The following GRID2 variants were observed in gnomAD, a reference collection of about 807,000 sequenced individuals.
The protein encoded by GRID2 is glutamate receptor ionotropic, delta-2.
A neutral mutation model predicts 114.8 loss-of-function variants in GRID2; 33 were observed. The observed-to-expected ratio is 0.29, with a 90% CI of 0.22 to 0.38. The LOEUF (loss-of-function observed/expected upper bound fraction) is 0.38, where lower values mean the gene tolerates loss of function less well. Among genes scored for constraint, GRID2 ranks in the 10% least tolerant of loss-of-function variants. The probability of loss-of-function intolerance (pLI) is 1.00; values close to 1 mark genes in which losing one functional copy is unlikely to be tolerated. For missense variants in GRID2, 1,184 were observed against 1,257.7 expected, an observed-to-expected ratio of 0.94 and a Z score of 0.89; for synonymous variants, 505 against 449.9, an observed-to-expected ratio of 1.12 and a Z score of -1.55.
chr4:92,313,081 A>ATGTGTGTGTGTGTG (rs144557382), intron 1 of GRID2, among the ~76,000 whole-genome samples: 2 of 145,114 alleles, frequency 1.4e-5, no homozygotes, highest in African/African-American at 5.1e-5. Context: ...AAACTCTGAT[A>ATGTGTGTGTGTGTG]TGTGTGTGTG....
chr4:93,670,413 T>G (rs1724311381), intron 14 of GRID2, among the ~76,000 whole-genome samples: 1 of 152,134 alleles, frequency 6.6e-6, no homozygotes, highest in African/African-American at 2.4e-5. Context: ...ATAAAGAGAA[T>G]AGCAACCATG....
chr4:92,696,503 A>G (rs1254007329), intron 2 of GRID2, among the ~76,000 whole-genome samples: 8 of 152,122 alleles, frequency 5.3e-5, no homozygotes, highest in African/African-American at 1.2e-4. Flanking sequence ...CTGTAATTAC[A>G]TATAATTGAC....
chr4:92,633,849 T>TGCG (rs1730928498), intron 2 of GRID2, among the ~76,000 whole-genome samples: 1 of 151,628 alleles, frequency 6.6e-6, no homozygotes, highest in Non-Finnish European at 1.5e-5. Context: ...CCAAGTCAAC[T>TGCG]GCATTCTACT....
At chr4:93,616,682 T>C (rs900731315) in intron 13 of GRID2, among the ~76,000 whole-genome samples, 2 of 150,890 alleles carry the variant, frequency 1.3e-5, no homozygotes, top group East Asian at 1.9e-4. Flanking sequence ...GCAATGTCTA[T>C]AGAATATGCA....
At chr4:92,687,726 G>A (rs1376257047) in intron 2 of GRID2, among the ~76,000 whole-genome samples, 1 of 152,034 alleles carries the variant, frequency 6.6e-6, no homozygotes, top group East Asian at 2.0e-4. Flanking sequence ...CTACTCAGGA[G>A]GCTGAGGCAG....
rs140260444 is a variant in GRID2 at position 93,205,556 on chromosome 4, G to A, written c.736-1848G>A. The stretch of plus-strand genomic sequence containing the variant: ...CCACATTTGCTTAATCCAGTCTATC[G>A]TTGTTAGACATTTAGGTTGGTTCCA... On this transcript the variant is annotated intron_variant, in intron 4 of 15. Transcript: ENST00000282020. 4.1e-3 allele frequency among the ~76,000 whole-genome samples: 623 copies of A among 152,182 alleles called. 3 individuals are homozygous for A. Among genetic ancestry groups the A allele is most frequent in the African/African-American group, 0.015 (606 of 41,536 alleles).
At chr4:93,012,802 A>C in intron 2 of GRID2, among the ~76,000 whole-genome samples, 1 of 152,102 alleles carries the variant, frequency 6.6e-6, no homozygotes, top group East Asian at 1.9e-4. Context: ...ATGGAGAAAT[A>C]AAAACTTACT....
At chr4:93,424,984 AT>A (rs539303099) in intron 10 of GRID2, among the ~76,000 whole-genome samples, 4 of 151,824 alleles carry the variant, frequency 2.6e-5, no homozygotes, top group African/African-American at 9.7e-5. Flanking sequence ...TAGATTGCTT[AT>A]TTTTTCTTTC....
chr4:92,774,136 G>C (rs1354672874), intron 2 of GRID2, among the ~76,000 whole-genome samples: 2 of 152,064 alleles, frequency 1.3e-5, no homozygotes, highest in Admixed American at 6.6e-5. Flanking sequence ...GCCCAGCCAA[G>C]GCAGAAGGTG....
At chr4:93,510,012 A>G (rs1235553075) in intron 12 of GRID2, among the ~76,000 whole-genome samples, 1 of 152,132 alleles carries the variant, frequency 6.6e-6, no homozygotes, top group Non-Finnish European at 1.5e-5. Flanking sequence ...CAAAGGAGAA[A>G]ACTGAGAAGA....
chr4:92,632,200 G>GT (rs1730841597), intron 2 of GRID2, among the ~76,000 whole-genome samples: 1 of 152,158 alleles, frequency 6.6e-6, no homozygotes, highest in African/African-American at 2.4e-5. Flanking sequence ...ACAATTAGCT[G>GT]TTTTTTGGAA....
At chr4:92,806,678 T>C (rs1206786780) in intron 2 of GRID2, among the ~76,000 whole-genome samples, 3 of 151,938 alleles carry the variant, frequency 2.0e-5, no homozygotes, top group Non-Finnish European at 2.9e-5. Flanking sequence ...TTGGACAACA[T>C]TTCATAGTTT....
intron 1 of GRID2, among the ~76,000 whole-genome samples, chr4:92,521,878 AT>A (rs971202930): frequency 6.6e-6 from 1 of 151,980 alleles, no homozygotes; most frequent in African/African-American, 2.4e-5. Context: ...TGTAAAATAT[AT>A]TTTTGAGTTA....
chr4:92,362,847 A>T (rs1019895953), intron 1 of GRID2, among the ~76,000 whole-genome samples: 4 of 151,992 alleles, frequency 2.6e-5, no homozygotes, highest in Non-Finnish European at 4.4e-5. Flanking sequence ...CATTGTATAT[A>T]TTATTTTTTA....
chr4:92,869,071 T>C (rs1745095337), intron 2 of GRID2, among the ~76,000 whole-genome samples: 1 of 152,170 alleles, frequency 6.6e-6, no homozygotes, highest in African/African-American at 2.4e-5. Context: ...GAACAATATG[T>C]GTTTCCTTCT....
chr4:92,378,111 A>G (rs1021014430), intron 1 of GRID2, among the ~76,000 whole-genome samples: 1 of 151,982 alleles, frequency 6.6e-6, no homozygotes, highest in Non-Finnish European at 1.5e-5. Context: ...AAAAACTTAG[A>G]TATTAGAAAA....
At chr4:92,721,329 A>G (rs963814184) in intron 2 of GRID2, among the ~76,000 whole-genome samples, 3 of 152,142 alleles carry the variant, frequency 2.0e-5, no homozygotes, top group Non-Finnish European at 2.9e-5. Flanking sequence ...TTACCACAAT[A>G]AAAAGTTGGT....
chr4:93,289,488 C>T (rs1561090180), intron 8 of GRID2, among the ~76,000 whole-genome samples: 1 of 152,064 alleles, frequency 6.6e-6, no homozygotes, highest in Non-Finnish European at 1.5e-5. Flanking sequence ...TGGCTTTTCC[C>T]ATTGTATAAT....
At position 93,715,508 on chromosome 4, in the gene GRID2, A is replaced by G. The variant is rs181424592; in HGVS notation, c.2361-53702A>G. ...TTAATGAGAATAGCATCAAATCTAAAAATTGCTTTGGGCAGTGTGGCCATT... is the reference window on the plus strand; with the variant it reads ...TTAATGAGAATAGCATCAAATCTAAGAATTGCTTTGGGCAGTGTGGCCATT... On this transcript the variant is annotated intron_variant, in intron 14 of 15. Coordinates refer to ENST00000282020, the MANE Select transcript of GRID2 (RefSeq NM_001510.4). 3.3e-5 allele frequency among the ~76,000 whole-genome samples: 5 copies of G among 152,312 alleles called. No individual in the cohort carries two copies. In the East Asian group the frequency reaches 9.6e-4, roughly 29 times the overall value.
Sources: allele counts gnomAD v4.1 joint callset (sites outside exome capture counted in the v4.1 genomes callset), GRCh38; gene constraint gnomAD v4.1.1; transcripts MANE v1.5; gene names NCBI Gene and HGNC (gene_info 2026-07-23, HGNC 2026-07-21).